Variants in TIA1 observed in about 807,000 individuals in gnomAD.
The protein encoded by TIA1 is TIA1 cytotoxic granule associated RNA binding protein, also known as cytotoxic granule associated RNA binding protein TIA1.
In TIA1, 23 loss-of-function variants were observed where a neutral mutation model predicts 65.9. That is an observed-to-expected ratio of 0.35 (90% confidence interval 0.25 to 0.49). The LOEUF (loss-of-function observed/expected upper bound fraction) is 0.49. Ranked by LOEUF, TIA1 falls within the 20% of genes least tolerant of loss-of-function variation. The pLI is 0.98. For missense variants in TIA1, 371 were observed against 477.9 expected, an observed-to-expected ratio of 0.78 and a Z score of 2.09; for synonymous variants, 147 against 149.4, an observed-to-expected ratio of 0.98 and a Z score of 0.12.
At chr2:70,236,000 A>C (rs539247429) in intron 2 of TIA1, 79 bp downstream of exon 2, 29 of 819,250 alleles carry the variant, frequency 3.5e-5, no homozygotes, top group Non-Finnish European at 5.7e-5. Flanking sequence ...ATGGTAAACT[A>C]AGAATTCCTT....
chr2:70,244,448 G>C (rs1693327578), intron 1 of TIA1, among the ~76,000 whole-genome samples: 1 of 152,176 alleles, frequency 6.6e-6, no homozygotes, highest in Non-Finnish European at 1.5e-5. Flanking sequence ...ATTACTGAGT[G>C]AATGTAATGT....
At chr2:70,224,685 A>G (rs2104295332) in intron 6 of TIA1, 56 bp from the exon 7 acceptor site, 2 of 1,586,438 alleles carry the variant, frequency 1.3e-6, no homozygotes, top group Non-Finnish European at 1.7e-6. Context: ...TGGATATCAA[A>G]TAAGAATTTC....
rs542963560 is a variant in TIA1, at chr2:70,234,978, G to A, written c.123+1101C>T. Reference sequence around the variant, plus strand: ...TGTCTTTTCTGGAGAAAAGAAAACTGAAAGTTTATAGCAGGCTGGGTGCAA... The same window carrying A: ...TGTCTTTTCTGGAGAAAAGAAAACTAAAAGTTTATAGCAGGCTGGGTGCAA... On this transcript the variant is annotated intron_variant, in intron 2 of 12. Transcript: ENST00000433529. 2.6e-5 allele frequency among the ~76,000 whole-genome samples: 4 copies of A among 152,166 alleles called. No homozygotes were observed. The South Asian group carries it at 6.2e-4, about 24-fold the overall frequency.
intron 1 of TIA1, among the ~76,000 whole-genome samples, chr2:70,240,155 G>C (rs1691030603): frequency 6.6e-6 from 1 of 152,094 alleles, no homozygotes; most frequent in Admixed American, 6.6e-5. Flanking sequence ...AGCTTTGGCT[G>C]TTACCACTAT....
intron 12 of TIA1, among the ~76,000 whole-genome samples, chr2:70,213,922 G>A (rs1677434159): frequency 6.6e-6 from 1 of 152,182 alleles, no homozygotes; most frequent in South Asian, 2.1e-4. Context: ...AAAATGCTGG[G>A]ATTACAGGCA....
intron 1 of TIA1, among the ~76,000 whole-genome samples, chr2:70,245,629 C>T (rs1693944068): frequency 1.1e-4 from 16 of 152,160 alleles, no homozygotes; most frequent in Admixed American, 1.0e-3. Flanking sequence ...CCCATATGCT[C>T]ACTACAAATG....
At chr2:70,228,892 G>T in intron 5 of TIA1, 167 bp downstream of exon 5, 1 of 1,460,044 alleles carries the variant, frequency 6.8e-7, no homozygotes, top group Admixed American at 2.7e-5. Context: ...TAGCGGACAA[G>T]TTATACTTGG....
chr2:70,235,415 C>G (rs58282270), intron 2 of TIA1, among the ~76,000 whole-genome samples: 9,876 of 151,252 alleles, frequency 0.065, 380 homozygotes, highest in East Asian at 0.18. Flanking sequence ...AACTCCGTCT[C>G]AAAAAAAAAT....
intron 11 of TIA1, chr2:70,215,124 C>A: frequency 4.5e-6 from 2 of 444,736 alleles, no homozygotes; most frequent in South Asian, 2.9e-5. Flanking sequence ...AGATGTAATA[C>A]CCTTTTAGGT....
intron 6 of TIA1, 185 bp from the exon 7 acceptor site, chr2:70,224,814 A>C: frequency 8.7e-6 from 12 of 1,383,734 alleles, no homozygotes; most frequent in Non-Finnish European, 7.5e-6. Context: ...ATAGACATGC[A>C]AATCAATAAC....
chr2:70,240,618 T>C lies in TIA1; in HGVS notation c.27-4443A>G, dbSNP rs1176681695. Among the ~76,000 whole-genome samples, 5 of 152,126 alleles carry C rather than the reference T, an allele frequency of 3.3e-5. No homozygotes were observed. In the East Asian group the frequency reaches 7.7e-4, roughly 23 times the overall value. On this transcript the variant is annotated intron_variant, in intron 1 of 12. Coordinates refer to ENST00000433529, the MANE Select transcript of TIA1 (RefSeq NM_022173.4). Reference sequence around the variant, plus strand: ...GCACAGTGGCTCAAGCCTGAAATCCTAGCACTTTGGGAGGCCGAGGTAGGC... The same window carrying C: ...GCACAGTGGCTCAAGCCTGAAATCCCAGCACTTTGGGAGGCCGAGGTAGGC...
intron 10 of TIA1, 110 bp from the exon 11 acceptor site, chr2:70,215,604 A>G (rs1573192460): frequency 6.1e-6 from 6 of 989,002 alleles, no homozygotes; most frequent in Non-Finnish European, 8.6e-6. Flanking sequence ...TTTGCGTAAC[A>G]TGGCATATTT....
At position 70,230,782 on chromosome 2, in the gene TIA1, T is replaced by G. The variant is rs760573990; in HGVS notation, c.196A>C (p.Met66Leu). The G allele has an allele frequency of 6.2e-7, 1 of 1,611,058 alleles. No homozygotes were observed. The highest frequency in any genetic ancestry group is 8.5e-7 in the Non-Finnish European group (1 of 1,178,792). ...HRHAAAALAA[M>L]NGRKIMGKEV... ...TTACCCATTATCTTCCGTCCATTCA[T>G]AGCAGCTAATGCTGCAGCTGCATGA... Residue 66 changes from methionine to leucine, a missense_variant, in exon 3 of 13, where the codon ATG (methionine) becomes CTG (leucine). Coordinates refer to ENST00000433529, the MANE Select transcript of TIA1 (RefSeq NM_022173.4).
upstream of TIA1, chr2:70,248,761 C>T (rs1573947698): frequency 2.5e-6 from 1 of 398,676 alleles, no homozygotes; most frequent in East Asian, 4.0e-5. Context: ...GCCGCTCTTC[C>T]ACCCGACGCG....
chr2:70,224,383 C>T, intron 7 of TIA1, 171 bp downstream of exon 7: 1 of 848,020 alleles, frequency 1.2e-6, no homozygotes, highest in Non-Finnish European at 1.8e-6. Flanking sequence ...CTCTGCATGC[C>T]TCAGGTGCCA....
intron 2 of TIA1, among the ~76,000 whole-genome samples, chr2:70,235,631 T>C (rs1272891214): frequency 6.6e-6 from 1 of 151,640 alleles, no homozygotes; most frequent in Non-Finnish European, 1.5e-5. Context: ...CAAGAAAAAC[T>C]TGAATGATGA....
intron 1 of TIA1, among the ~76,000 whole-genome samples, chr2:70,243,731 T>G (rs1269953021): frequency 6.6e-6 from 1 of 152,226 alleles, no homozygotes; most frequent in Non-Finnish European, 1.5e-5. Flanking sequence ...TATTACACAT[T>G]TTAAAATAAA....
chr2:70,216,706 C>T, intron 8 of TIA1, 180 bp downstream of exon 8: 1 of 1,481,794 alleles, frequency 6.7e-7, no homozygotes. Context: ...GGAGACTTGA[C>T]ATTAGAAATA....
intron 1 of TIA1, 63 bp from the exon 2 acceptor site, chr2:70,236,238 G>T (rs1688881383): frequency 1.4e-5 from 16 of 1,111,940 alleles, no homozygotes; most frequent in Non-Finnish European, 1.9e-5. Context: ...CACTCTTGTT[G>T]CCCAGGATAG....
Sources: allele counts gnomAD v4.1 joint callset (sites outside exome capture counted in the v4.1 genomes callset), GRCh38; gene constraint gnomAD v4.1.1; transcripts MANE v1.5; gene names NCBI Gene and HGNC (gene_info 2026-07-23, HGNC 2026-07-21).